The following TLE4 variants were observed in gnomAD, a reference collection of about 807,000 sequenced individuals.
The protein encoded by TLE4 is transducin-like enhancer protein 4.
A neutral mutation model predicts 92.8 loss-of-function variants in TLE4; 8 were observed. That is an observed-to-expected ratio of 0.09 (90% confidence interval 0.05 to 0.16). TLE4 has a LOEUF of 0.16. Among genes scored for constraint, TLE4 ranks in the 10% least tolerant of loss-of-function variants. TLE4 has a pLI of 1.00. For missense variants in TLE4, 675 were observed against 997.6 expected, an observed-to-expected ratio of 0.68 and a Z score of 4.36; for synonymous variants, 371 against 374.1, an observed-to-expected ratio of 0.99 and a Z score of 0.10.
At chr9:79,707,173 A>G in intron 11 of TLE4, 2 of 1,612,960 alleles carry the variant, frequency 1.2e-6, no homozygotes, top group East Asian at 2.2e-5. Flanking sequence ...AAGATGAACA[A>G]TGCACATTGG....
chr9:79,651,390 T>G (rs2058965762), intron 6 of TLE4, among the ~76,000 whole-genome samples: 1 of 152,180 alleles, frequency 6.6e-6, no homozygotes, highest in African/African-American at 2.4e-5. Flanking sequence ...TAGCAGAGTT[T>G]GACGCAGCCT....
At chr9:79,702,190 T>G (rs1158031176) in intron 8 of TLE4, among the ~76,000 whole-genome samples, 1 of 152,134 alleles carries the variant, frequency 6.6e-6, no homozygotes, top group African/African-American at 2.4e-5. Context: ...GACTCTGGAT[T>G]GGGGTGTGGA....
At chr9:79,642,232 AAAAAAAAAG>A (rs2057304617) in intron 6 of TLE4, among the ~76,000 whole-genome samples, 1 of 149,518 alleles carries the variant, frequency 6.7e-6, no homozygotes, top group East Asian at 1.9e-4. Context: ...GCTTTACTTA[AAAAAAAAAG>A]AAAAAAAAGA....
intron 8 of TLE4, among the ~76,000 whole-genome samples, chr9:79,688,055 C>G (rs953422596): frequency 7.3e-6 from 1 of 137,814 alleles, no homozygotes. Context: ...TGAGAACTTC[C>G]TTCCCTTGTT....
At chr9:79,698,401 A>G (rs1026706201) in intron 8 of TLE4, among the ~76,000 whole-genome samples, 3 of 152,230 alleles carry the variant, frequency 2.0e-5, no homozygotes, top group African/African-American at 7.2e-5. Context: ...AACATTTTAA[A>G]GAATATATTG....
chr9:79,581,792 TAG>T (rs1273902688), intron 4 of TLE4, among the ~76,000 whole-genome samples: 1 of 152,148 alleles, frequency 6.6e-6, no homozygotes, highest in African/African-American at 2.4e-5. Flanking sequence ...ATTCCTGAAA[TAG>T]AGAGTCCCTG....
chr9:79,612,411 A>G (rs2048573526), intron 4 of TLE4, among the ~76,000 whole-genome samples: 3 of 152,200 alleles, frequency 2.0e-5, no homozygotes, highest in African/African-American at 7.2e-5. Flanking sequence ...TCCATTTTAT[A>G]TTGCCCTGAT....
At chr9:79,694,664 T>C (rs757762505) in intron 8 of TLE4, among the ~76,000 whole-genome samples, 1 of 152,202 alleles carries the variant, frequency 6.6e-6, no homozygotes, top group African/African-American at 2.4e-5. Context: ...TAGTCATCTA[T>C]GACTTAAATA....
In TLE4 at chr9:79,664,180, A is replaced by G. The variant is rs193300142; in HGVS notation, c.609+10105A>G. Among the ~76,000 whole-genome samples, 349 of 152,250 alleles carry G rather than the reference A, an allele frequency of 2.3e-3. 1 individual carries two copies. Among genetic ancestry groups the G allele is most frequent in the African/African-American group, 8.1e-3 (338 of 41,556 alleles). The stretch of plus-strand genomic sequence containing the variant: ...GGATAGTGGAATGGAAAGTGAAGGG[A>G]GATTTATCCCGGCAGTGCATTCAGC... On this transcript the variant is annotated intron_variant, in intron 8 of 19. Transcript: ENST00000376552.
intron 5 of TLE4, 70 bp downstream of exon 5, chr9:79,612,788 A>G: frequency 1.5e-6 from 2 of 1,300,306 alleles, no homozygotes; most frequent in Non-Finnish European, 1.1e-6. Context: ...AAGGGATTGT[A>G]GAACTGACTC....
intron 5 of TLE4, among the ~76,000 whole-genome samples, chr9:79,622,856 G>T (rs2051377722): frequency 6.6e-6 from 1 of 152,106 alleles, no homozygotes; most frequent in African/African-American, 2.4e-5. Context: ...TCTAAGATGT[G>T]CTCTGTGTAT....
rs1339590808 is a variant in TLE4, at chr9:79,686,023, T to C, written c.610-18760T>C. On this transcript the variant is annotated intron_variant, in intron 8 of 19. Coordinates refer to ENST00000376552, the MANE Select transcript of TLE4 (RefSeq NM_007005.6). Reference sequence around the variant, plus strand: ...AAATAAAAATACAGCATGTACATTATATTATAAATAATAGAGATGATTTAG... The same window carrying C: ...AAATAAAAATACAGCATGTACATTACATTATAAATAATAGAGATGATTTAG... Among the ~76,000 whole-genome samples the C allele has an allele frequency of 3.9e-5, 6 of 152,216 alleles. No homozygotes were observed. In the East Asian group the frequency reaches 1.2e-3, roughly 29 times the overall value.
intron 18 of TLE4, 106 bp from the exon 19 acceptor site, chr9:79,722,853 A>T: frequency 9.0e-7 from 1 of 1,108,652 alleles, no homozygotes; most frequent in Non-Finnish European, 1.3e-6. Context: ...GTTATTTTTT[A>T]CAAATGGATG....
intron 6 of TLE4, among the ~76,000 whole-genome samples, chr9:79,650,588 A>C (rs2058788807): frequency 6.6e-6 from 1 of 152,178 alleles, no homozygotes; most frequent in Admixed American, 6.5e-5. Flanking sequence ...TTTTGTGTGC[A>C]TACTTTTTGA....
chr9:79,677,221 A>G (rs1036884249), intron 8 of TLE4, among the ~76,000 whole-genome samples: 1 of 152,176 alleles, frequency 6.6e-6, no homozygotes. Flanking sequence ...CTCAATTCTC[A>G]GTAAATGTAT....
intron 6 of TLE4, among the ~76,000 whole-genome samples, chr9:79,638,108 G>C (rs2056355793): frequency 6.6e-6 from 1 of 152,146 alleles, no homozygotes. Context: ...AGGGTTTCTT[G>C]ATTAAGAACT....
At chr9:79,606,869 T>C (rs1023058131) in intron 4 of TLE4, among the ~76,000 whole-genome samples, 4 of 152,178 alleles carry the variant, frequency 2.6e-5, no homozygotes, top group African/African-American at 7.2e-5. Flanking sequence ...TAGCATGATT[T>C]ATAATCCTTT....
intron 8 of TLE4, among the ~76,000 whole-genome samples, chr9:79,682,430 A>G (rs1354266643): frequency 1.3e-5 from 2 of 152,194 alleles, no homozygotes; most frequent in Admixed American, 6.5e-5. Context: ...TTCCAAGTCC[A>G]GCCTTGGAAC....
At chr9:79,627,520 T>A in intron 6 of TLE4, 72 bp downstream of exon 6, 1 of 1,500,852 alleles carries the variant, frequency 6.7e-7, no homozygotes, top group Non-Finnish European at 9.2e-7. Context: ...CTTTTTACAT[T>A]TTGTTCCGCC....
Sources: gnomAD v4.1 joint callset for allele counts (sites outside exome capture counted in the v4.1 genomes callset) on GRCh38, gnomAD v4.1.1 for gene constraint, MANE v1.5 for transcripts, NCBI Gene and HGNC (gene_info 2026-07-23, HGNC 2026-07-21) for gene names.